Variants in GASK1A observed in about 807,000 individuals in gnomAD.
GASK1A encodes the protein golgi associated kinase 1A, also known as Golgi-associated kinase 1A.
A neutral mutation model predicts 41.2 loss-of-function variants in GASK1A; 40 were observed. The observed-to-expected ratio is 0.97, with a 90% CI of 0.75 to 1.27. The LOEUF (loss-of-function observed/expected upper bound fraction) is 1.27. Ranked by LOEUF, GASK1A falls within the 50% of genes most tolerant of loss-of-function variation. The pLI is 0.00. For synonymous variants in GASK1A, 316 were observed against 307.1 expected, an observed-to-expected ratio of 1.03 and a Z score of -0.30; for missense variants, 678 against 745.1, an observed-to-expected ratio of 0.91 and a Z score of 1.05.
At chr3:43,020,705 A>C (rs2089516927) in intron 1 of GASK1A, among the ~76,000 whole-genome samples, 1 of 152,368 alleles carries the variant, frequency 6.6e-6, no homozygotes, top group African/African-American at 2.4e-5. Context: ...CCTGGTGAGC[A>C]TGGCTGGGTT....
At chr3:43,028,061 A>T (rs1177258969) in intron 1 of GASK1A, among the ~76,000 whole-genome samples, 1 of 152,244 alleles carries the variant, frequency 6.6e-6, no homozygotes, top group Non-Finnish European at 1.5e-5. Context: ...TGATTGAAAG[A>T]GTTAAGTTAT....
At chr3:43,037,114 G>C (rs2089608530) in intron 2 of GASK1A, 2 of 769,664 alleles carry the variant, frequency 2.6e-6, no homozygotes, top group Non-Finnish European at 2.1e-6. Flanking sequence ...CTAAAAGTCA[G>C]TACCTCAAAC....
chr3:43,000,612 C>T (rs972089626), intron 1 of GASK1A, among the ~76,000 whole-genome samples: 8 of 152,236 alleles, frequency 5.3e-5, no homozygotes, highest in African/African-American at 1.9e-4. Context: ...TGCATATTAT[C>T]TTTGTTACAT....
intron 1 of GASK1A, among the ~76,000 whole-genome samples, chr3:43,023,332 C>T (rs2089530938): frequency 6.6e-6 from 1 of 152,196 alleles, no homozygotes; most frequent in East Asian, 1.9e-4. Flanking sequence ...GCCCTGCTGA[C>T]ACCTTGATTT....
rs1353513967 is a variant in GASK1A at position 42,998,969 on chromosome 3, GA to G, written c.3+19325del. Among the ~76,000 whole-genome samples the G allele has an allele frequency of 2.1e-3, 305 of 146,466 alleles. 1 individual carries two copies. The highest frequency in any genetic ancestry group is 6.9e-3 in the African/African-American group (284 of 41,184). On this transcript the variant is annotated intron_variant, in intron 1 of 4. Transcript: ENST00000430121. ...ACGTCATTTTATCTATTGGCTTTTGGACTTTTTTTTTTTAACCTAATATGTG... is the reference window on the plus strand; with the variant it reads ...ACGTCATTTTATCTATTGGCTTTTGGCTTTTTTTTTTTAACCTAATATGTG...
Position 42,984,597 on chromosome 3 carries a change from G to A in GASK1A, c.3+4952G>A, listed in dbSNP as rs1281776825. The stretch of plus-strand genomic sequence containing the variant: ...TGATGTGAAGGGTGAGGAAACAGCA[G>A]GAGTATAACTGAAATGCAGATTCAG... On this transcript the variant is annotated intron_variant, in intron 1 of 4. Transcript: ENST00000430121. The surrounding 1 kb of genome is among the most constrained non-coding windows in gnomAD (Gnocchi z 4.2). 2.0e-5 allele frequency among the ~76,000 whole-genome samples: 3 copies of A among 152,140 alleles called. No individual in the cohort carries two copies. Among genetic ancestry groups the A allele is most frequent in the Non-Finnish European group, 4.4e-5 (3 of 68,014 alleles).
chr3:43,024,624 A>G (rs924564791), intron 1 of GASK1A, among the ~76,000 whole-genome samples: 1 of 152,018 alleles, frequency 6.6e-6, no homozygotes, highest in Non-Finnish European at 1.5e-5. Flanking sequence ...AGCCTTGGAG[A>G]TTGGAGGAGC....
intron 1 of GASK1A, among the ~76,000 whole-genome samples, chr3:43,020,032 CA>C (rs2089513507): frequency 6.6e-6 from 1 of 152,090 alleles, no homozygotes; most frequent in African/African-American, 2.4e-5. Flanking sequence ...CTGTCTTTGC[CA>C]GCTGGTCCCT....
intron 1 of GASK1A, among the ~76,000 whole-genome samples, chr3:42,991,578 A>G (rs537925369): frequency 6.6e-6 from 1 of 152,124 alleles, no homozygotes; most frequent in African/African-American, 2.4e-5. Flanking sequence ...GAGGTGTTTG[A>G]TGGAGTACGG....
In GASK1A at chr3:43,032,708, A is replaced by G; in HGVS notation, c.445A>G (p.Lys149Glu). The G allele has an allele frequency of 6.4e-7, 1 of 1,551,630 alleles. No homozygotes were observed. Residue 149 changes from lysine (K) to glutamate (E), a missense_variant, in exon 2 of 5, where the codon AAA (lysine) becomes GAA (glutamate). Lys to Glu is a moderately conservative substitution (Grantham distance 56). Transcript: ENST00000430121. ...REDEVGDPGT[K>E]DLGHPQHGSP... is the part of the protein sequence containing the mutation. ...GGATGAGGTTGGAGATCCAGGAACC[A>G]AAGACCTGGGCCACCCCCAGCATGG... is the stretch of plus-strand genomic sequence containing the variant.
chr3:43,032,446 G>T lies in GASK1A; in HGVS notation c.183G>T (p.Arg61=). The T allele has an allele frequency of 2.6e-6, 4 of 1,551,196 alleles. No homozygotes were observed. The highest frequency in any genetic ancestry group is 1.4e-5 in the African/African-American group (1 of 73,158). ...CTGGCGCCCCTGCAACCCATATCCG[G>T]CAGGCTTTGAGCTCCAGCCGGAGGC... ...GVTGAPATHI[R]QALSSSRRQR... is the part of the protein sequence containing the mutation. Residue 61 remains arginine, a synonymous_variant, in exon 2 of 5, where the codon CGG becomes CGT. Coordinates refer to ENST00000430121, the MANE Select transcript of GASK1A (RefSeq NM_001129908.3).
intron 2 of GASK1A, among the ~76,000 whole-genome samples, chr3:43,048,779 A>T (rs1311781652): frequency 6.6e-6 from 1 of 152,112 alleles, no homozygotes; most frequent in Non-Finnish European, 1.5e-5. Flanking sequence ...ACATATGGGG[A>T]CTGTATGGTT....
chr3:43,042,041 T>C (rs2125689780), intron 2 of GASK1A, among the ~76,000 whole-genome samples: 1 of 152,250 alleles, frequency 6.6e-6, no homozygotes, highest in East Asian at 1.9e-4. Flanking sequence ...CAGGCACTGC[T>C]TGAGGAAACC....
intron 2 of GASK1A, among the ~76,000 whole-genome samples, chr3:43,043,517 G>A (rs575088211): frequency 1.2e-4 from 19 of 152,254 alleles, no homozygotes; most frequent in African/African-American, 4.6e-4. Flanking sequence ...TAAGTCTCTG[G>A]TTATGATAAA....
intron 1 of GASK1A, among the ~76,000 whole-genome samples, chr3:43,010,418 A>G (rs2089457862): frequency 6.6e-6 from 1 of 152,210 alleles, no homozygotes; most frequent in Non-Finnish European, 1.5e-5. Context: ...ACACCATTAT[A>G]GCATTTTATA....
chr3:43,033,513 C>T lies in GASK1A; in HGVS notation c.1250C>T (p.Thr417Ile). Reference sequence around the variant, plus strand: ...GCCCCGTGCCCGGGCATCCACCATACCGAGTGGGCACGCCTGGCGCTCTTC... The same window carrying T: ...GCCCCGTGCCCGGGCATCCACCATATCGAGTGGGCACGCCTGGCGCTCTTC... The part of the protein sequence containing the change: ...GQAPCPGIHH[T>I]EWARLALFDF... Residue 417 changes from threonine (T) to isoleucine (I), a missense_variant, in exon 2 of 5, where the codon ACC (threonine) becomes ATC (isoleucine). By Grantham distance (89) the Thr-to-Ile change is moderately conservative (BLOSUM62 -1). Coordinates refer to ENST00000430121, the MANE Select transcript of GASK1A (RefSeq NM_001129908.3). 6.5e-7 allele frequency: 1 copy of T among 1,547,754 alleles called. No individual in the cohort carries two copies.
In GASK1A at chr3:43,014,752, A is replaced by G. The variant is rs537607856; in HGVS notation, c.4-17515A>G. Among the ~76,000 whole-genome samples the G allele has an allele frequency of 5.3e-5, 8 of 152,226 alleles. No homozygotes were observed. In the South Asian group the frequency reaches 1.7e-3, roughly 32 times the overall value. ...CAGGCAGGGTTCTGTGTGAAGCCAC[A>G]GGAAAGGGCACTTTGATATCACAGG... On this transcript the variant is annotated intron_variant, in intron 1 of 4. Transcript: ENST00000430121.
At chr3:43,015,551 G>A (rs1487095003) in intron 1 of GASK1A, among the ~76,000 whole-genome samples, 1 of 150,546 alleles carries the variant, frequency 6.6e-6, no homozygotes, top group African/African-American at 2.4e-5. Flanking sequence ...GAAAGGGGCT[G>A]TGTGAGGCCA....
chr3:43,047,859 G>A (rs926487703), intron 2 of GASK1A, among the ~76,000 whole-genome samples: 2 of 152,286 alleles, frequency 1.3e-5, no homozygotes, highest in Non-Finnish European at 2.9e-5. Context: ...ACTTCCTTCT[G>A]TAGATAATCT....
Sources: allele counts gnomAD v4.1 joint callset (sites outside exome capture counted in the v4.1 genomes callset), GRCh38; gene constraint gnomAD v4.1.1; non-coding constraint Gnocchi (gnomAD v3.1); transcripts MANE v1.5; gene names NCBI Gene and HGNC (gene_info 2026-07-23, HGNC 2026-07-21).